GYS2: variants seen among roughly 807,000 people sequenced by gnomAD.
GYS2 encodes glycogen [starch] synthase, liver.
Under a neutral mutation model 85.6 loss-of-function variants are expected in GYS2, and 80 were observed. That is an observed-to-expected ratio of 0.93 (90% confidence interval 0.78 to 1.13). The LOEUF is 1.13. Among genes scored for constraint, GYS2 ranks in the 50% most tolerant of loss-of-function variants. The probability of loss-of-function intolerance (pLI) is 0.00; values close to 1 mark genes in which losing one functional copy is unlikely to be tolerated. For missense variants in GYS2, 881 were observed against 854.9 expected, an observed-to-expected ratio of 1.03 and a Z score of -0.38; for synonymous variants, 328 against 300.7, an observed-to-expected ratio of 1.09 and a Z score of -0.94.
chr12:21,555,806 G>A (rs1298043030), intron 11 of GYS2, among the ~76,000 whole-genome samples: 2 of 152,256 alleles, frequency 1.3e-5, no homozygotes, highest in Admixed American at 1.3e-4. Flanking sequence ...ACCTGAAAAA[G>A]CCTTCTTCCC....
At chr12:21,563,132 G>A (rs1478806680) in intron 6 of GYS2, 94 bp from the exon 7 acceptor site, 3 of 1,171,560 alleles carry the variant, frequency 2.6e-6, no homozygotes, top group Middle Eastern at 1.9e-4. Flanking sequence ...AGGGGGCTGG[G>A]AAAGATAAAC....
chr12:21,581,608 C>G (rs12811627), intron 1 of GYS2, among the ~76,000 whole-genome samples: 28,059 of 152,094 alleles, frequency 0.18, 2,670 homozygotes, highest in Middle Eastern at 0.34. Context: ...ACACTAGAAT[C>G]GTTCCTTAAT....
At chr12:21,590,898 T>C (rs536923539) in intron 1 of GYS2, among the ~76,000 whole-genome samples, 3 of 152,034 alleles carry the variant, frequency 2.0e-5, no homozygotes, top group South Asian at 4.2e-4. Context: ...AAAAAAATAA[T>C]ATGAAGACTA....
At chr12:21,545,192 C>T (rs988730900) in intron 12 of GYS2, among the ~76,000 whole-genome samples, 1 of 152,202 alleles carries the variant, frequency 6.6e-6, no homozygotes, top group Non-Finnish European at 1.5e-5. Context: ...TCTATAATCC[C>T]ACCACTTTGG....
intron 15 of GYS2, among the ~76,000 whole-genome samples, chr12:21,538,805 TAGA>T (rs1241807656): frequency 2.0e-5 from 3 of 152,208 alleles, no homozygotes; most frequent in Admixed American, 2.0e-4. Flanking sequence ...AGTTGGATTT[TAGA>T]AGAAGACACC....
chr12:21,567,889 A>T (rs1219959734), intron 5 of GYS2, among the ~76,000 whole-genome samples: 1 of 152,026 alleles, frequency 6.6e-6, no homozygotes, highest in East Asian at 1.9e-4. Flanking sequence ...CCTGGCCAAG[A>T]TAGTGAAACC....
At chr12:21,532,754 C>T (rs1565588217), downstream of GYS2, 1 of 152,172 alleles carries the variant, frequency 6.6e-6, no homozygotes, top group African/African-American at 2.4e-5. Flanking sequence ...ACACTTTTAA[C>T]ATCTATCTTA....
In GYS2 at chr12:21,597,535, TAATA is replaced by T. The variant is rs1944709798; in HGVS notation, c.121+6933_121+6936del. Reference sequence around the variant, plus strand: ...TAGAATCATCATGATTTAAATAAATTAATAAATAAATAACACATGCTGGCAAGGA... The same window carrying T: ...TAGAATCATCATGATTTAAATAAATTAATAAATAACACATGCTGGCAAGGA... On this transcript the variant is annotated intron_variant, in intron 1 of 15. Coordinates refer to ENST00000261195, the MANE Select transcript of GYS2 (RefSeq NM_021957.4). Among the ~76,000 whole-genome samples, 3 of 151,940 alleles carry T rather than the reference TAATA, an allele frequency of 2.0e-5. No homozygotes were observed. In the South Asian group the frequency reaches 6.2e-4, roughly 31 times the overall value.
Position 21,594,973 on chromosome 12 carries a change from G to T in GYS2, c.121+9499C>A, listed in dbSNP as rs1591812161. Among the ~76,000 whole-genome samples the T allele has an allele frequency of 3.9e-5, 6 of 152,220 alleles. No individual in the cohort carries two copies. In the South Asian group the frequency reaches 1.2e-3, roughly 32 times the overall value. ...TATAGCCAACAGATTTTCAACAAAGGTGACAAGAATATACATTGAGGAAAG... is the reference window on the plus strand; with the variant it reads ...TATAGCCAACAGATTTTCAACAAAGTTGACAAGAATATACATTGAGGAAAG... On this transcript the variant is annotated intron_variant, in intron 1 of 15. Transcript: ENST00000261195.
intron 11 of GYS2, among the ~76,000 whole-genome samples, chr12:21,549,624 T>C (rs1222076317): frequency 6.6e-6 from 1 of 152,190 alleles, no homozygotes; most frequent in African/African-American, 2.4e-5. Flanking sequence ...TTTTCTGACT[T>C]TGGTATTTTT....
rs1565591997 is a variant in GYS2, at chr12:21,542,582, G to C, written c.1559C>G (p.Thr520Ser). 6.2e-7 allele frequency: 1 copy of C among 1,611,482 alleles called. No homozygotes were observed. Among genetic ancestry groups the C allele is most frequent in the African/African-American group, 1.3e-5 (1 of 74,788 alleles). ...GGTCACACTGGGGATACCCATCACA[G>C]TGCATTCAGCTGCCAGGGGAAATAG... is the stretch of plus-strand genomic sequence containing the variant. ...EPWGYTPAECTVMGIPSVTTN... is the reference protein window; with the variant it reads ...EPWGYTPAECSVMGIPSVTTN... Residue 520 changes from threonine to serine, a missense_variant, in exon 13 of 16, where the codon ACT (threonine) becomes AGT (serine). Physicochemically the swap from Thr to Ser is moderately conservative, Grantham distance 58. Transcript: ENST00000261195.
At chr12:21,547,466 A>G (rs1332644603) in intron 11 of GYS2, among the ~76,000 whole-genome samples, 1 of 152,224 alleles carries the variant, frequency 6.6e-6, no homozygotes, top group African/African-American at 2.4e-5. Context: ...TCAAGCCATG[A>G]AAATAAATAG....
intron 12 of GYS2, among the ~76,000 whole-genome samples, chr12:21,543,370 GT>G (rs373769091): frequency 0.013 from 2,020 of 152,244 alleles, 33 homozygotes; most frequent in Non-Finnish European, 0.021. Flanking sequence ...TGGAGTTGTG[GT>G]TCTCTAATTT....
At chr12:21,603,808 T>G (rs1264320300) in intron 1 of GYS2, among the ~76,000 whole-genome samples, 1 of 152,126 alleles carries the variant, frequency 6.6e-6, no homozygotes, top group Non-Finnish European at 1.5e-5. Context: ...TCAAAATCAT[T>G]TACATTGTGG....
Position 21,558,742 on chromosome 12 carries a change from C to T in GYS2, c.1308+349G>A, listed in dbSNP as rs1399369407. ...TTATCTCCTTTGTAATAATTCCACT[C>T]GACTAAGAAATATTCTTTTCTCTAA... On this transcript the variant is annotated intron_variant, in intron 10 of 15. Transcript: ENST00000261195. Among the ~76,000 whole-genome samples, 7 of 152,092 alleles carry T rather than the reference C, an allele frequency of 4.6e-5. No individual in the cohort carries two copies. In the South Asian group the frequency reaches 1.2e-3, roughly 27 times the overall value.
At chr12:21,549,818 T>C (rs907447181) in intron 11 of GYS2, among the ~76,000 whole-genome samples, 6 of 152,222 alleles carry the variant, frequency 3.9e-5, no homozygotes, top group Admixed American at 3.3e-4. Flanking sequence ...ATGTTTATTT[T>C]GATCTCTTGA....
At chr12:21,545,839 C>T (rs1046039632) in intron 12 of GYS2, among the ~76,000 whole-genome samples, 4 of 152,156 alleles carry the variant, frequency 2.6e-5, no homozygotes. Context: ...GAAGACTTTT[C>T]ACTGTACACC....
At chr12:21,569,171 T>C (rs1944357939) in intron 4 of GYS2, among the ~76,000 whole-genome samples, 162 bp from the exon 5 acceptor site, 1 of 152,202 alleles carries the variant, frequency 6.6e-6, no homozygotes, top group African/African-American at 2.4e-5. Context: ...TACTACAATA[T>C]ACATAAGGAA....
At position 21,587,523 on chromosome 12, in the gene GYS2, C is replaced by T. The variant is rs1035816408; in HGVS notation, c.122-7000G>A. ...CTTTTCCCCCTTTTGCTTGGCACTT[C>T]TACTTGCTGCTGCCATGTGAAGAAG... On this transcript the variant is annotated intron_variant, in intron 1 of 15. Coordinates refer to ENST00000261195, the MANE Select transcript of GYS2 (RefSeq NM_021957.4). Among the ~76,000 whole-genome samples the T allele has an allele frequency of 2.0e-5, 3 of 152,204 alleles. No individual in the cohort carries two copies. In the East Asian group the frequency reaches 5.8e-4, roughly 29 times the overall value.
Sources: gnomAD v4.1 joint callset for allele counts (sites outside exome capture counted in the v4.1 genomes callset) on GRCh38, gnomAD v4.1.1 for gene constraint, MANE v1.5 for transcripts, NCBI Gene and HGNC (gene_info 2026-07-23, HGNC 2026-07-21) for gene names.